The following BCAS3 variants were observed in gnomAD, a reference collection of about 807,000 sequenced individuals.
BCAS3 encodes the protein BCAS3 microtubule associated cell migration factor.
A neutral mutation model predicts 116.1 loss-of-function variants in BCAS3; 53 were observed. The observed-to-expected ratio is 0.46, with a 90% CI of 0.37 to 0.57. The LOEUF is 0.57. BCAS3 is among the 20% of genes least tolerant of loss of function. The pLI, the probability that BCAS3 is intolerant of heterozygous loss-of-function variation, is 0.00. For synonymous variants in BCAS3, 391 were observed against 408.2 expected, an observed-to-expected ratio of 0.96 and a Z score of 0.51; for missense variants, 917 against 1,165.4, an observed-to-expected ratio of 0.79 and a Z score of 3.10.
intron 15 of BCAS3, among the ~76,000 whole-genome samples, chr17:61,005,637 A>C (rs2064622652): frequency 6.6e-6 from 1 of 152,034 alleles, no homozygotes. Context: ...GGTAAAAAGA[A>C]GGAAGGCGTC....
intron 7 of BCAS3, chr17:60,810,188 G>T: frequency 2.4e-6 from 1 of 422,264 alleles, no homozygotes; most frequent in South Asian, 2.2e-5. Flanking sequence ...CTTGCTCCAC[G>T]TTCTCCACCA....
At chr17:60,702,904 T>C (rs1388463003) in intron 4 of BCAS3, among the ~76,000 whole-genome samples, 1 of 151,846 alleles carries the variant, frequency 6.6e-6, no homozygotes, top group Admixed American at 6.6e-5. Context: ...GGAAAGGAAA[T>C]TCTTGATGCT....
chr17:61,268,113 C>T (rs2049914252), intron 22 of BCAS3, among the ~76,000 whole-genome samples: 1 of 152,212 alleles, frequency 6.6e-6, no homozygotes, highest in African/African-American at 2.4e-5. Flanking sequence ...ATCTTGGGGA[C>T]TCTGCATCTC....
At chr17:61,116,473 A>G (rs2075461978) in intron 22 of BCAS3, among the ~76,000 whole-genome samples, 2 of 152,204 alleles carry the variant, frequency 1.3e-5, no homozygotes, top group South Asian at 4.1e-4. Context: ...ACATGCATTT[A>G]GAACCACATC....
intron 1 of BCAS3, among the ~76,000 whole-genome samples, chr17:60,678,366 A>G (rs986423641): frequency 7.2e-5 from 11 of 152,126 alleles, no homozygotes; most frequent in Admixed American, 6.5e-4. Flanking sequence ...TCAGGTGTGA[A>G]TGCTCCCTAC....
intron 22 of BCAS3, among the ~76,000 whole-genome samples, chr17:61,153,536 T>C (rs1262767887): frequency 1.3e-5 from 2 of 152,236 alleles, no homozygotes; most frequent in Non-Finnish European, 2.9e-5. Context: ...CAGTGTAAGG[T>C]AGCATCTCCT....
chr17:60,886,831 A>G (rs1490377371), intron 9 of BCAS3, among the ~76,000 whole-genome samples: 1 of 151,698 alleles, frequency 6.6e-6, no homozygotes, highest in Non-Finnish European at 1.5e-5. Context: ...TGCTGGGAGA[A>G]CCACTGCTCT....
At chr17:61,016,031 C>T in intron 16 of BCAS3, 130 bp downstream of exon 16, 3 of 972,516 alleles carry the variant, frequency 3.1e-6, no homozygotes, top group Non-Finnish European at 4.6e-6. Context: ...GACTTAATGG[C>T]ATCAGATTAA....
At chr17:60,770,653 G>C (rs563752846) in intron 6 of BCAS3, among the ~76,000 whole-genome samples, 12 of 150,316 alleles carry the variant, frequency 8.0e-5, no homozygotes, top group Non-Finnish European at 1.6e-4. Flanking sequence ...TCCTGACCTC[G>C]TGATCTGCCT....
At chr17:60,682,505 G>T (rs561781211) in intron 2 of BCAS3, among the ~76,000 whole-genome samples, 41 of 152,162 alleles carry the variant, frequency 2.7e-4, no homozygotes, top group Admixed American at 2.0e-3. Context: ...AAATGGATTT[G>T]AATTAGTATT....
At chr17:60,725,313 A>G (rs1240549227) in intron 5 of BCAS3, among the ~76,000 whole-genome samples, 1 of 152,200 alleles carries the variant, frequency 6.6e-6, no homozygotes, top group Admixed American at 6.5e-5. Context: ...AAGTCCCAAA[A>G]TAAACTTCCC....
At chr17:60,810,529 C>G in intron 7 of BCAS3, 1 of 861,116 alleles carries the variant, frequency 1.2e-6, no homozygotes, top group Non-Finnish European at 1.9e-6. Flanking sequence ...GAAGGGACCC[C>G]AGGTCAGAGA....
At position 61,235,156 on chromosome 17, in the gene BCAS3, G is replaced by A. The variant is rs958979185; in HGVS notation, c.2426-133171G>A. ...CCCACTTCGGTCTTCCAAAGTGCTG[G>A]GATTATAGGCGTGAACCACCACGCC... On this transcript the variant is annotated intron_variant, in intron 22 of 23. Transcript: ENST00000407086. The surrounding 1 kb of genome is among the most constrained non-coding windows in gnomAD (Gnocchi z 5.0). Among the ~76,000 whole-genome samples the A allele has an allele frequency of 2.6e-5, 4 of 152,162 alleles. No homozygotes were observed. The highest frequency in any genetic ancestry group is 6.5e-5 in the Admixed American group (1 of 15,276).
chr17:60,709,158 G>T, intron 4 of BCAS3, 61 bp from the exon 5 acceptor site: 2 of 817,578 alleles, frequency 2.4e-6, no homozygotes, highest in Non-Finnish European at 4.1e-6. Flanking sequence ...AAATACAGTT[G>T]TTTTCTTGAT....
chr17:61,035,817 C>T lies in BCAS3; in HGVS notation c.1762+1027C>T, dbSNP rs183416907. Among the ~76,000 whole-genome samples, 19 of 152,174 alleles carry T rather than the reference C, an allele frequency of 1.2e-4. No individual in the cohort carries two copies. The East Asian group carries it at 3.3e-3, about 26-fold the overall frequency. On this transcript the variant is annotated intron_variant, in intron 17 of 23. Transcript: ENST00000407086. ...TACTATGGGACTAATGGGTTGGTAG[C>T]GTATACAGCGTGGATATGCTGGACA...
chr17:61,108,522 T>C (rs2074823813), intron 22 of BCAS3, among the ~76,000 whole-genome samples: 1 of 152,078 alleles, frequency 6.6e-6, no homozygotes, highest in African/African-American at 2.4e-5. Flanking sequence ...TTGTTTAGGC[T>C]CGATTTGGTT....
At chr17:60,842,142 A>G (rs1012836060) in intron 7 of BCAS3, among the ~76,000 whole-genome samples, 1 of 152,232 alleles carries the variant, frequency 6.6e-6, no homozygotes, top group Non-Finnish European at 1.5e-5. Context: ...ACTGCTAGTT[A>G]CTTTTAGATT....
chr17:60,727,420 G>T (rs997215404), intron 5 of BCAS3: 27 of 1,601,712 alleles, frequency 1.7e-5, no homozygotes, highest in Non-Finnish European at 2.3e-5. Context: ...GTGTCACTTT[G>T]TGAGGCTGAT....
At chr17:61,328,549 T>C (rs2055927125) in intron 22 of BCAS3, among the ~76,000 whole-genome samples, 1 of 152,180 alleles carries the variant, frequency 6.6e-6, no homozygotes, top group Non-Finnish European at 1.5e-5. Flanking sequence ...GGCGGATCAC[T>C]TGAGCCCAGG....
Sources: gnomAD v4.1 joint callset for allele counts (sites outside exome capture counted in the v4.1 genomes callset) on GRCh38, gnomAD v4.1.1 for gene constraint, Gnocchi (gnomAD v3.1) non-coding constraint, MANE v1.5 for transcripts, NCBI Gene and HGNC (gene_info 2026-07-23, HGNC 2026-07-21) for gene names.